The following IRF9 variants were observed in gnomAD, a reference collection of about 807,000 sequenced individuals.
The protein encoded by IRF9 is IFN-alpha-responsive transcription factor subunit.
IRF9 carries 13 observed loss-of-function variants against 44.1 expected under a neutral mutation model. The ratio of observed to expected loss-of-function variants is 0.29; its 90% confidence interval spans 0.19 to 0.47. IRF9 has a LOEUF of 0.47. IRF9 is among the 20% of genes least tolerant of loss of function. The pLI is 1.00. For missense variants in IRF9, 373 were observed against 496.1 expected, an observed-to-expected ratio of 0.75 and a Z score of 2.36; for synonymous variants, 189 against 188.5, an observed-to-expected ratio of 1.00 and a Z score of -0.02.
chr14:24,164,551 G>T lies in IRF9; in HGVS notation c.650-63G>T, dbSNP rs780686281. 8 of 1,481,174 alleles carry T rather than the reference G, an allele frequency of 5.4e-6. No homozygotes were observed. The highest frequency in any genetic ancestry group is 6.4e-6 in the Non-Finnish European group (7 of 1,092,986). 91.8% of individuals were successfully genotyped at this position (1,481,174 alleles called of 1,614,324 possible). On this transcript the variant is annotated intron_variant, in intron 6 of 8. Transcript: ENST00000396864. The surrounding 1 kb of genome is among the most constrained non-coding windows in gnomAD (Gnocchi z 5.2). The stretch of plus-strand genomic sequence containing the variant: ...GGAGGGGAGGTGGAGTTGTTCCCCT[G>T]GGGAGGGGCTGCTGCCAGCCTGCAT...
rs527695389 is a variant in IRF9, at chr14:24,161,328, C to G, written c.-12C>G. The G allele has an allele frequency of 2.0e-5, 3 of 152,458 alleles. No individual in the cohort carries two copies. The South Asian group carries it at 6.2e-4, about 32-fold the overall frequency. The allele number at this position is 152,458 out of a possible 1,614,324, so 9.4% of individuals were successfully genotyped here. A position where few individuals can be genotyped will look rare whatever the true frequency, so the allele number is the denominator to read the frequency against. ...CGTCTGAGCCCTGCGACAGCCTGGA[C>G]AGCAACTCAGGTAAGATCAGCCAAG... On this transcript the variant is annotated 5_prime_UTR_variant, in exon 1 of 9. Coordinates refer to ENST00000396864, the MANE Select transcript of IRF9 (RefSeq NM_006084.5).
chr14:24,165,295 G>T (rs2038509549), intron 7 of IRF9: 2 of 675,552 alleles, frequency 3.0e-6, no homozygotes, highest in Non-Finnish European at 5.4e-6. Flanking sequence ...GAGCCTCATG[G>T]CCTTCTCCTA....
At position 24,163,445 on chromosome 14, in the gene IRF9, G is replaced by A; in HGVS notation, c.432G>A (p.Glu144=). The A allele has an allele frequency of 6.2e-7, 1 of 1,614,176 alleles. No homozygotes were observed. The part of the protein sequence containing the change: ...QHSSVSSERK[E]EEDAMQNCTL... ...GTTCTGTGTCCTCTGAGAGGAAGGA[G>A]GAAGAGGATGCCATGCAGAACTGCA... The change falls in exon 4 of 9, where the codon GAG becomes GAA. Residue 144 remains glutamate (E), a synonymous_variant. Coordinates refer to ENST00000396864, the MANE Select transcript of IRF9 (RefSeq NM_006084.5).
intron 7 of IRF9, chr14:24,165,182 A>T: frequency 1.4e-6 from 1 of 703,470 alleles, no homozygotes. Flanking sequence ...GAGGTGGTTC[A>T]GGTAGAGCCC....
In IRF9 at chr14:24,165,830, G is replaced by T; in HGVS notation, c.992-17G>T. 6.3e-7 allele frequency: 1 copy of T among 1,584,804 alleles called. No individual in the cohort carries two copies. Among genetic ancestry groups the T allele is most frequent in the South Asian group, 1.1e-5 (1 of 90,270 alleles). ...TCTTCTTTTTGTTCTTCGAACCCTT[G>T]ACCCTTTCTCTTTCAGACTTGGTCA... On this transcript the variant is annotated splice_polypyrimidine_tract_variant and intron_variant, in intron 7 of 8. Transcript: ENST00000396864.
At chr14:24,162,872 A>T in intron 2 of IRF9, 94 bp from the exon 3 acceptor site, 3 of 945,388 alleles carry the variant, frequency 3.2e-6, no homozygotes, top group Non-Finnish European at 4.8e-6. Flanking sequence ...ATCCCTTCTG[A>T]GCTCAGAGCT....
chr14:24,163,208 T>C, intron 3 of IRF9, 59 bp downstream of exon 3: 1 of 1,584,614 alleles, frequency 6.3e-7, no homozygotes, highest in Non-Finnish European at 8.6e-7. Context: ...GAAGGATAGA[T>C]GTGCAGGCTT....
At chr14:24,163,593 T>A (rs1458779174) in intron 4 of IRF9, 85 bp downstream of exon 4, 2 of 1,493,020 alleles carry the variant, frequency 1.3e-6, no homozygotes, top group Non-Finnish European at 1.8e-6. Context: ...ACACTGTGTC[T>A]TGGGAGGCCG....
At chr14:24,165,397 G>A (rs1057246319) in intron 7 of IRF9, 8 of 597,642 alleles carry the variant, frequency 1.3e-5, no homozygotes, top group East Asian at 2.8e-5. Context: ...TTAGGGTTGC[G>A]CTTCTCTCCC....
At position 24,165,955 on chromosome 14, in the gene IRF9, C is replaced by T; in HGVS notation, c.1100C>T (p.Thr367Ile). 1.9e-6 allele frequency: 3 copies of T among 1,613,358 alleles called. No homozygotes were observed. The highest frequency in any genetic ancestry group is 2.5e-6 in the Non-Finnish European group (3 of 1,179,288). ...GSSHTPQNLI[T>I]VKMEQAFARY... ...AGCCATACTCCACAGAATCTTATCA[C>T]AGTGAAGGTGAGCTCGGAGCAGGGG... The change falls in exon 8 of 9, where the codon ACA becomes ATA. Residue 367 changes from threonine to isoleucine, a missense_variant. Physicochemically the swap from Thr to Ile is moderately conservative, Grantham distance 89. This residue lies in a region of IRF9 where 146 missense variants were observed against 240.8 expected (regional missense o/e 0.61). Coordinates refer to ENST00000396864, the MANE Select transcript of IRF9 (RefSeq NM_006084.5).
chr14:24,164,215 A>G lies in IRF9; in HGVS notation c.649+81A>G. 1 of 1,206,086 alleles carries G rather than the reference A, an allele frequency of 8.3e-7. No homozygotes were observed. Among genetic ancestry groups the G allele is most frequent in the Admixed American group, 1.7e-5 (1 of 58,224 alleles). 74.7% of individuals were successfully genotyped at this position (1,206,086 alleles called of 1,614,324 possible). On this transcript the variant is annotated intron_variant, in intron 6 of 8. Coordinates refer to ENST00000396864, the MANE Select transcript of IRF9 (RefSeq NM_006084.5). This position sits in a 1 kb window ranked among gnomAD's most constrained non-coding sequence, Gnocchi z 5.2. ...TTGACTATGCATGCATTATCTAGTC[A>G]GTCAGGGCTTACAGCAAACTGTACC...
intron 1 of IRF9, among the ~76,000 whole-genome samples, 180 bp downstream of exon 1, chr14:24,161,518 CCCTTGT>C (rs2038455870): frequency 1.3e-5 from 2 of 152,200 alleles, no homozygotes; most frequent in African/African-American, 4.8e-5. Flanking sequence ...GCTCCCCAGA[CCCTTGT>C]AGGCAAAGGT....
In IRF9 at chr14:24,164,055, C is replaced by G. The variant is rs566623831; in HGVS notation, c.578-8C>G. 1.1e-5 allele frequency: 17 copies of G among 1,614,060 alleles called. No individual in the cohort carries two copies. In the African/African-American group the frequency reaches 2.0e-4, roughly 19 times the overall value. On this transcript the variant is annotated splice_region_variant and splice_polypyrimidine_tract_variant and intron_variant, in intron 5 of 8. Coordinates refer to ENST00000396864, the MANE Select transcript of IRF9 (RefSeq NM_006084.5). This position sits in a 1 kb window ranked among gnomAD's most constrained non-coding sequence, Gnocchi z 5.2. The stretch of plus-strand genomic sequence containing the variant: ...TCTGAATGACCAGTGCCTTTGCTTC[C>G]CTTCCAGTTACAGACACAACTGAGG...
intron 7 of IRF9, chr14:24,165,235 G>A: frequency 1.4e-6 from 1 of 701,904 alleles, no homozygotes; most frequent in South Asian, 1.5e-5. Context: ...TCACACTGAA[G>A]CATGCAGTCA....
At chr14:24,162,072 T>G (rs2038463616) in intron 1 of IRF9, 72 bp from the exon 2 acceptor site, 1 of 1,440,320 alleles carries the variant, frequency 6.9e-7, no homozygotes, top group Non-Finnish European at 9.5e-7. Context: ...CTAGTCTCAA[T>G]GGCCAGGGTC....
intron 7 of IRF9, 140 bp from the exon 8 acceptor site, chr14:24,165,707 A>C (rs1033736092): frequency 1.6e-6 from 1 of 614,402 alleles, no homozygotes; most frequent in African/African-American, 1.9e-5. Context: ...CTTAGTTCCA[A>C]GTACTTCTGA....
chr14:24,162,906 T>C (rs963109024), intron 2 of IRF9, 60 bp from the exon 3 acceptor site: 10 of 1,418,570 alleles, frequency 7.0e-6, no homozygotes, highest in African/African-American at 1.4e-5. Context: ...GCCAGTCCTA[T>C]TGGAGGGGCA....
rs752099596 is a variant in IRF9 at position 24,164,236 on chromosome 14, G to A, written c.649+102G>A. Reference sequence around the variant, plus strand: ...AGTCAGTCAGGGCTTACAGCAAACTGTACCCACATTACCATAGCCCTAGGC... The same window carrying A: ...AGTCAGTCAGGGCTTACAGCAAACTATACCCACATTACCATAGCCCTAGGC... On this transcript the variant is annotated intron_variant, in intron 6 of 8. Coordinates refer to ENST00000396864, the MANE Select transcript of IRF9 (RefSeq NM_006084.5). The surrounding 1 kb of genome is among the most constrained non-coding windows in gnomAD (Gnocchi z 5.2). 1.0e-6 allele frequency: 1 copy of A among 998,130 alleles called. No individual in the cohort carries two copies. The highest frequency in any genetic ancestry group is 1.6e-6 in the Non-Finnish European group (1 of 631,412). The allele number at this position is 998,130 out of a possible 1,614,324, so 61.8% of individuals were successfully genotyped here.
At chr14:24,162,881 C>T (rs2038477355) in intron 2 of IRF9, 85 bp from the exon 3 acceptor site, 1 of 1,053,684 alleles carries the variant, frequency 9.5e-7, no homozygotes, top group African/African-American at 1.6e-5. Flanking sequence ...GAGCTCAGAG[C>T]TGCACGCCTG....
Sources: gnomAD v4.1 joint callset for allele counts (sites outside exome capture counted in the v4.1 genomes callset) on GRCh38, gnomAD v4.1.1 for gene constraint, gnomAD v4.1.1 regional missense constraint, Gnocchi (gnomAD v3.1) non-coding constraint, MANE v1.5 for transcripts, NCBI Gene and HGNC (gene_info 2026-07-23, HGNC 2026-07-21) for gene names.